Variants in NEGR1 observed in about 807,000 individuals in gnomAD.
NEGR1 encodes the protein neuronal growth regulator 1.
A neutral mutation model predicts 40.9 loss-of-function variants in NEGR1; 10 were observed. The ratio of observed to expected loss-of-function variants is 0.24; its 90% CI spans 0.15 to 0.42. The LOEUF (loss-of-function observed/expected upper bound fraction) is 0.42, where lower values mean the gene tolerates loss of function less well. Among genes scored for constraint, NEGR1 ranks in the 10% least tolerant of loss-of-function variants. The pLI is 1.00. For missense variants in NEGR1, 352 were observed against 438.9 expected, an observed-to-expected ratio of 0.80 and a Z score of 1.77; for synonymous variants, 185 against 166.8, an observed-to-expected ratio of 1.11 and a Z score of -0.84.
At chr1:71,647,620 C>T (rs910088839) in intron 4 of NEGR1, among the ~76,000 whole-genome samples, 7 of 151,896 alleles carry the variant, frequency 4.6e-5, no homozygotes, top group East Asian at 3.9e-4. Context: ...GACCATTCAA[C>T]GATTCAAGTG....
intron 1 of NEGR1, among the ~76,000 whole-genome samples, chr1:72,079,495 C>A (rs72680883): frequency 0.014 from 2,118 of 152,028 alleles, 28 homozygotes; most frequent in Non-Finnish European, 0.022. Flanking sequence ...ATAAATCAGT[C>A]CTATTTAACA....
intron 4 of NEGR1, among the ~76,000 whole-genome samples, chr1:71,688,393 A>AAAGATATATATAAAAG (rs58551950): frequency 1.2e-4 from 4 of 32,124 alleles, no homozygotes; most frequent in South Asian, 2.5e-3. Context: ...AGATATATAA[A>AAAGATATATATAAAAG]ATATATATAT....
At chr1:71,460,322 C>T (rs568770824) in intron 6 of NEGR1, among the ~76,000 whole-genome samples, 12 of 152,202 alleles carry the variant, frequency 7.9e-5, no homozygotes, top group Non-Finnish European at 1.0e-4. Flanking sequence ...GTGATATGGA[C>T]GACAGGGCCT....
chr1:71,653,010 C>T lies in NEGR1; in HGVS notation c.668-41864G>A, dbSNP rs531628196. 5.9e-5 allele frequency among the ~76,000 whole-genome samples: 9 copies of T among 152,272 alleles called. No individual in the cohort carries two copies. The South Asian group carries it at 8.3e-4, about 14-fold the overall frequency. On this transcript the variant is annotated intron_variant, in intron 4 of 6. Coordinates refer to ENST00000357731, the MANE Select transcript of NEGR1 (RefSeq NM_173808.3). ...CACAGGTATTCACTGACTCATTGACCTCCCTGCCCCCATTTCAAAGTACAT... is the reference window on the plus strand; with the variant it reads ...CACAGGTATTCACTGACTCATTGACTTCCCTGCCCCCATTTCAAAGTACAT...
At chr1:71,886,920 T>G (rs1474958693) in intron 2 of NEGR1, among the ~76,000 whole-genome samples, 3 of 152,164 alleles carry the variant, frequency 2.0e-5, no homozygotes, top group African/African-American at 7.2e-5. Flanking sequence ...AAAATATAAT[T>G]GACCCTTGAG....
At chr1:72,013,136 A>T (rs764106319) in intron 1 of NEGR1, among the ~76,000 whole-genome samples, 3 of 151,942 alleles carry the variant, frequency 2.0e-5, no homozygotes, top group Non-Finnish European at 4.4e-5. Flanking sequence ...ATAAATTATA[A>T]TAAGGGAGCA....
chr1:71,437,581 C>T (rs1646518067), intron 6 of NEGR1, among the ~76,000 whole-genome samples: 2 of 151,970 alleles, frequency 1.3e-5, no homozygotes, highest in South Asian at 4.1e-4. Flanking sequence ...TGCTAAATTT[C>T]TTATGAAAAT....
At chr1:72,154,956 A>C (rs946880167) in intron 1 of NEGR1, among the ~76,000 whole-genome samples, 1 of 152,058 alleles carries the variant, frequency 6.6e-6, no homozygotes, top group Non-Finnish European at 1.5e-5. Context: ...CAATATATAC[A>C]ATGATACATA....
intron 6 of NEGR1, among the ~76,000 whole-genome samples, chr1:71,523,230 G>C (rs963329550): frequency 3.3e-5 from 5 of 151,108 alleles, no homozygotes; most frequent in African/African-American, 1.2e-4. Flanking sequence ...TTGGGTTGTT[G>C]GGTTGTTGTG....
chr1:71,729,720 C>T (rs530695507), intron 3 of NEGR1, among the ~76,000 whole-genome samples: 15 of 152,104 alleles, frequency 9.9e-5, no homozygotes, highest in Admixed American at 3.9e-4. Context: ...CTGAAAACTC[C>T]GACTCTGGGG....
At chr1:72,156,644 A>G (rs776163504) in intron 1 of NEGR1, among the ~76,000 whole-genome samples, 33 of 152,240 alleles carry the variant, frequency 2.2e-4, no homozygotes, top group Non-Finnish European at 3.5e-4. Flanking sequence ...TCATTCCTCA[A>G]ACCAAGGAAC....
chr1:71,737,928 G>A (rs553401789), intron 3 of NEGR1, among the ~76,000 whole-genome samples: 1 of 152,174 alleles, frequency 6.6e-6, no homozygotes, highest in South Asian at 2.1e-4. Context: ...GTCGGTTTAG[G>A]CAACTGTGTC....
intron 3 of NEGR1, among the ~76,000 whole-genome samples, chr1:71,743,218 C>T (rs1384721219): frequency 6.6e-6 from 1 of 152,096 alleles, no homozygotes; most frequent in African/African-American, 2.4e-5. Context: ...CATGTTGCTT[C>T]TTAAGCCAGG....
chr1:71,469,182 T>G (rs1646766466), intron 6 of NEGR1, among the ~76,000 whole-genome samples: 1 of 152,066 alleles, frequency 6.6e-6, no homozygotes, highest in Non-Finnish European at 1.5e-5. Context: ...TTAAATGATT[T>G]GTCACTTTGA....
chr1:71,597,436 C>G (rs374198068), intron 5 of NEGR1, among the ~76,000 whole-genome samples: 12 of 20,858 alleles, frequency 5.8e-4, no homozygotes, highest in Non-Finnish European at 6.6e-4. Flanking sequence ...ATATATGTCT[C>G]TCTCTCTCTC....
intron 1 of NEGR1, among the ~76,000 whole-genome samples, chr1:72,183,734 T>G (rs1652491512): frequency 6.6e-6 from 1 of 152,150 alleles, no homozygotes; most frequent in Non-Finnish European, 1.5e-5. Flanking sequence ...TGTATTACCT[T>G]CAGTACAATT....
At chr1:72,114,314 C>T (rs1188523628) in intron 1 of NEGR1, among the ~76,000 whole-genome samples, 2 of 151,568 alleles carry the variant, frequency 1.3e-5, no homozygotes, top group Non-Finnish European at 3.0e-5. Context: ...ACACCTCTGC[C>T]CAGCCCAAGC....
intron 6 of NEGR1, among the ~76,000 whole-genome samples, chr1:71,584,482 C>G (rs1182659893): frequency 6.6e-6 from 1 of 152,070 alleles, no homozygotes; most frequent in African/African-American, 2.4e-5. Flanking sequence ...ATACTCAGAC[C>G]TTCATAATAA....
intron 2 of NEGR1, among the ~76,000 whole-genome samples, chr1:71,881,033 A>G (rs889803039): frequency 1.3e-5 from 2 of 152,090 alleles, no homozygotes; most frequent in Non-Finnish European, 2.9e-5. Context: ...AAAGCAATTT[A>G]TTTTATTGAC....
Sources: gnomAD v4.1 joint callset for allele counts (sites outside exome capture counted in the v4.1 genomes callset) on GRCh38, gnomAD v4.1.1 for gene constraint, MANE v1.5 for transcripts, NCBI Gene and HGNC (gene_info 2026-07-23, HGNC 2026-07-21) for gene names.